THRB: variants seen among roughly 807,000 people sequenced by gnomAD.
THRB encodes the protein thyroid hormone receptor beta, also known as nuclear receptor subfamily 1 group A member 2.
A neutral mutation model predicts 47.8 loss-of-function variants in THRB; 12 were observed. The ratio of observed to expected loss-of-function variants is 0.25; its 90% CI spans 0.16 to 0.41. THRB has a LOEUF of 0.41. Ranked by LOEUF, THRB falls within the 10% of genes least tolerant of loss-of-function variation. The pLI is 1.00. For missense variants in THRB, 348 were observed against 589.2 expected, an observed-to-expected ratio of 0.59 and a Z score of 4.24; for synonymous variants, 218 against 212.2, an observed-to-expected ratio of 1.03 and a Z score of -0.24.
intron 2 of THRB, among the ~76,000 whole-genome samples, chr3:24,334,089 T>C (rs540191068): frequency 1.3e-5 from 2 of 152,196 alleles, no homozygotes; most frequent in Non-Finnish European, 2.9e-5. Context: ...CTACCTGACT[T>C]TTAAAATATA....
At chr3:24,376,858 T>C (rs546127208) in intron 1 of THRB, among the ~76,000 whole-genome samples, 162 of 152,262 alleles carry the variant, frequency 1.1e-3, no homozygotes, top group African/African-American at 3.8e-3. Context: ...CACCATAAAA[T>C]AAAAAATTAC....
At chr3:24,143,770 C>A (rs1208132965) in intron 7 of THRB, 64 bp from the exon 8 acceptor site, 1 of 1,560,274 alleles carries the variant, frequency 6.4e-7, no homozygotes, top group African/African-American at 1.4e-5. Flanking sequence ...GCAAGCTGCA[C>A]TTCCTGGAGC....
At chr3:24,478,116 C>T (rs981035962) in intron 1 of THRB, among the ~76,000 whole-genome samples, 13 of 151,978 alleles carry the variant, frequency 8.6e-5, no homozygotes, top group African/African-American at 3.1e-4. Context: ...TAATTCTAAA[C>T]GATATAGTTA....
chr3:24,298,588 G>T (rs1032832444), intron 2 of THRB, among the ~76,000 whole-genome samples: 12 of 152,190 alleles, frequency 7.9e-5, no homozygotes, highest in Non-Finnish European at 1.8e-4. Flanking sequence ...TAGATTGTTA[G>T]TTACTGGGTA....
chr3:24,207,732 G>A (rs144600083), intron 4 of THRB, among the ~76,000 whole-genome samples: 4 of 152,090 alleles, frequency 2.6e-5, no homozygotes, highest in Non-Finnish European at 4.4e-5. Context: ...AACCCACAGC[G>A]AATATCATAC....
intron 4 of THRB, among the ~76,000 whole-genome samples, chr3:24,196,357 T>A (rs534287733): frequency 2.0e-5 from 3 of 152,072 alleles, no homozygotes; most frequent in Non-Finnish European, 4.4e-5. Context: ...AAAATAAAAA[T>A]AAAAAAAGTT....
chr3:24,401,389 CTT>C (rs966992542), intron 1 of THRB, among the ~76,000 whole-genome samples: 1 of 151,980 alleles, frequency 6.6e-6, no homozygotes, highest in African/African-American at 2.4e-5. Flanking sequence ...TTTAAAGAGA[CTT>C]TTTTTGCATT....
intron 2 of THRB, among the ~76,000 whole-genome samples, chr3:24,336,843 T>G (rs530009498): frequency 2.3e-4 from 35 of 151,472 alleles, no homozygotes; most frequent in Non-Finnish European, 3.7e-4. Flanking sequence ...TGCCTCAGCC[T>G]CCTGAGTAGC....
intron 10 of THRB, among the ~76,000 whole-genome samples, chr3:24,124,119 C>T (rs974375281): frequency 1.3e-5 from 2 of 152,132 alleles, no homozygotes; most frequent in African/African-American, 4.8e-5. Context: ...CTTCAAAGGT[C>T]CAATTATTGA....
At chr3:24,467,333 C>A (rs1219959613) in intron 1 of THRB, among the ~76,000 whole-genome samples, 2 of 152,202 alleles carry the variant, frequency 1.3e-5, no homozygotes, top group African/African-American at 4.8e-5. Context: ...TCAGAATCAA[C>A]TTCTTCCAAA....
chr3:24,172,282 T>A (rs1038118544), intron 5 of THRB, among the ~76,000 whole-genome samples: 1 of 150,150 alleles, frequency 6.7e-6, no homozygotes, highest in African/African-American at 2.4e-5. Context: ...TGAAGGGGAG[T>A]GTCCTTTTTA....
At chr3:24,467,989 T>G (rs2074283806) in intron 1 of THRB, among the ~76,000 whole-genome samples, 1 of 152,236 alleles carries the variant, frequency 6.6e-6, no homozygotes, top group South Asian at 2.1e-4. Flanking sequence ...GCGAATCTGT[T>G]GTTTGGTGTA....
At chr3:24,425,052 C>T (rs1301204667) in intron 1 of THRB, among the ~76,000 whole-genome samples, 1 of 151,598 alleles carries the variant, frequency 6.6e-6, no homozygotes, top group African/African-American at 2.4e-5. Context: ...CATCCTTTAT[C>T]AGTTGATTAT....
intron 3 of THRB, among the ~76,000 whole-genome samples, chr3:24,255,653 G>T (rs950875106): frequency 6.6e-6 from 1 of 152,182 alleles, no homozygotes; most frequent in Non-Finnish European, 1.5e-5. Flanking sequence ...CCATGTGTGG[G>T]TTTCATGGAG....
chr3:24,423,424 T>G (rs1208964590), intron 1 of THRB, among the ~76,000 whole-genome samples: 5 of 151,774 alleles, frequency 3.3e-5, no homozygotes, highest in African/African-American at 1.2e-4. Context: ...CACTGAGATT[T>G]TTTTTTTTTA....
intron 1 of THRB, among the ~76,000 whole-genome samples, chr3:24,382,860 C>A (rs1026865601): frequency 2.0e-5 from 3 of 152,126 alleles, no homozygotes; most frequent in Non-Finnish European, 4.4e-5. Flanking sequence ...ACCTGAATTC[C>A]AGCACAGCAC....
Position 24,122,017 on chromosome 3 carries a change from G to T in THRB, c.*867C>A, listed in dbSNP as rs2031774212. ...AACTTCAGGAGCTTGGGAGATGACA[G>T]ATCAGATGCCACAGAAAAGGGGTGC... is the stretch of plus-strand genomic sequence containing the variant. On this transcript the variant is annotated 3_prime_UTR_variant, in exon 11 of 11. Coordinates refer to ENST00000646209, the MANE Select transcript of THRB (RefSeq NM_001354712.2). 6.6e-6 allele frequency: 1 copy of T among 152,670 alleles called. No homozygotes were observed. Among genetic ancestry groups the T allele is most frequent in the Admixed American group, 6.5e-5 (1 of 15,288 alleles). 9.5% of individuals were successfully genotyped at this position (152,670 alleles called of 1,614,324 possible). A position where few individuals can be genotyped will look rare whatever the true frequency, so the allele number is the denominator to read the frequency against.
intron 3 of THRB, among the ~76,000 whole-genome samples, chr3:24,232,097 AC>A (rs2150125868): frequency 6.6e-6 from 1 of 152,308 alleles, no homozygotes; most frequent in Admixed American, 6.5e-5. Flanking sequence ...GGGTCTGTGT[AC>A]CACGGCCCTT....
At chr3:24,421,675 C>T (rs1318415728) in intron 1 of THRB, among the ~76,000 whole-genome samples, 1 of 151,880 alleles carries the variant, frequency 6.6e-6, no homozygotes, top group Non-Finnish European at 1.5e-5. Flanking sequence ...GAATCTCCAT[C>T]ATTGATTATT....
Sources: gnomAD v4.1 joint callset for allele counts (sites outside exome capture counted in the v4.1 genomes callset) on GRCh38, gnomAD v4.1.1 for gene constraint, MANE v1.5 for transcripts, NCBI Gene and HGNC (gene_info 2026-07-23, HGNC 2026-07-21) for gene names.